FNIP2: variants seen among roughly 807,000 people sequenced by gnomAD.
The protein encoded by FNIP2 is folliculin-interacting protein 2.
In FNIP2, 32 loss-of-function variants were observed where a neutral mutation model predicts 108.7. The ratio of observed to expected loss-of-function variants is 0.29; its 90% CI spans 0.22 to 0.40. The LOEUF is 0.40. Among genes scored for constraint, FNIP2 ranks in the 10% least tolerant of loss-of-function variants. The pLI is 1.00. For synonymous variants in FNIP2, 480 were observed against 496.7 expected (o/e 0.97, Z 0.45); for missense variants, 1,202 against 1,381.6 (o/e 0.87, Z 2.06).
intron 1 of FNIP2, among the ~76,000 whole-genome samples, chr4:158,789,978 A>G (rs1211864741): frequency 6.6e-6 from 1 of 152,154 alleles, no homozygotes; most frequent in Non-Finnish European, 1.5e-5. Context: ...ACTTTTGAGC[A>G]TTGACATGAC....
In FNIP2 at chr4:158,886,364, C is replaced by T. The variant is rs977522568; in HGVS notation, c.2950-5082C>T. On this transcript the variant is annotated intron_variant, in intron 14 of 16. Transcript: ENST00000264433. ...CAATTGTCTGCAGCTCCTTACTCAC[C>T]TCCCATGTTCTTCTATCCGCAAGTC... Among the ~76,000 whole-genome samples, 3 of 152,224 alleles carry T rather than the reference C, an allele frequency of 2.0e-5. No individual in the cohort carries two copies. The East Asian group carries it at 5.8e-4, about 29-fold the overall frequency.
At chr4:158,850,294 G>A (rs1779625947) in intron 7 of FNIP2, among the ~76,000 whole-genome samples, 1 of 152,012 alleles carries the variant, frequency 6.6e-6, no homozygotes, top group Non-Finnish European at 1.5e-5. Context: ...ATTTTCCACT[G>A]GACTGAGTGA....
At chr4:158,890,579 G>A (rs1168450459) in intron 14 of FNIP2, among the ~76,000 whole-genome samples, 1 of 152,190 alleles carries the variant, frequency 6.6e-6, no homozygotes, top group Non-Finnish European at 1.5e-5. Flanking sequence ...GGTAACCATG[G>A]TCCAGTGGCA....
In FNIP2 at chr4:158,859,249, A is replaced by G; in HGVS notation, c.1050A>G (p.Ala350=). The G allele has an allele frequency of 6.2e-7, 1 of 1,605,716 alleles. No homozygotes were observed. The highest frequency in any genetic ancestry group is 8.5e-7 in the Non-Finnish European group (1 of 1,175,266). Residue 350 remains alanine (A), a synonymous_variant, in exon 9 of 17, where the codon GCA becomes GCG. Transcript: ENST00000264433. ...FESHMNRLKS[A]IEKAMISCRK... ...CTCACATGAACAGGCTGAAGAGTGC[A>G]ATTGAAAAGGTAATAAGGATGTAAT...
chr4:158,806,330 G>T lies in FNIP2; in HGVS notation c.108-19586G>T, dbSNP rs780731594. 4.2e-5 allele frequency: 54 copies of T among 1,289,284 alleles called. 1 individual carries two copies. The South Asian group carries it at 6.4e-4, about 15-fold the overall frequency. The allele number at this position is 1,289,284 out of a possible 1,614,324, so 79.9% of individuals were successfully genotyped here. ...AGATGTGTGAGTGATGCTGTTCCTGGTGCTGGGAGGATTTACAGGGCGCTT... is the reference window on the plus strand; with the variant it reads ...AGATGTGTGAGTGATGCTGTTCCTGTTGCTGGGAGGATTTACAGGGCGCTT... On this transcript the variant is annotated intron_variant, in intron 1 of 16. Transcript: ENST00000264433.
chr4:158,898,167 T>C (rs1782859074), intron 16 of FNIP2, among the ~76,000 whole-genome samples: 1 of 152,186 alleles, frequency 6.6e-6, no homozygotes, highest in Admixed American at 6.5e-5. Context: ...GTGGTATTTC[T>C]GAGGCCTCAG....
At chr4:158,808,503 T>G (rs1185297746) in intron 1 of FNIP2, 1 of 152,186 alleles carries the variant, frequency 6.6e-6, no homozygotes, top group Non-Finnish European at 1.5e-5. Flanking sequence ...TCAGACAATG[T>G]GCTGTAGTAG....
intron 1 of FNIP2, among the ~76,000 whole-genome samples, chr4:158,803,937 G>A (rs996571321): frequency 6.6e-6 from 1 of 152,056 alleles, no homozygotes; most frequent in Admixed American, 6.6e-5. Flanking sequence ...CATAGTTTTT[G>A]TTTTGTTTTG....
chr4:158,897,919 T>A (rs954373642), intron 16 of FNIP2, among the ~76,000 whole-genome samples: 3 of 152,240 alleles, frequency 2.0e-5, no homozygotes, highest in Non-Finnish European at 2.9e-5. Context: ...TGCCCATGCC[T>A]ATGCCTGAAT....
chr4:158,823,339 C>T (rs1777986478), intron 1 of FNIP2, among the ~76,000 whole-genome samples: 1 of 152,078 alleles, frequency 6.6e-6, no homozygotes, highest in South Asian at 2.1e-4. Context: ...GATCTCGGCT[C>T]ACTGCAACCT....
In FNIP2 at chr4:158,905,457, A is replaced by G. The variant is rs1454291499; in HGVS notation, c.*913A>G. The stretch of plus-strand genomic sequence containing the variant: ...CACTTTTTCCTTATAGTTAATACAA[A>G]TGACTATTTTTACTTTAAAAGGCAC... On this transcript the variant is annotated 3_prime_UTR_variant, in exon 17 of 17. Coordinates refer to ENST00000264433, the MANE Select transcript of FNIP2 (RefSeq NM_020840.3). 1 of 152,238 alleles carries G rather than the reference A, an allele frequency of 6.6e-6. No individual in the cohort carries two copies. The highest frequency in any genetic ancestry group is 1.5e-5 in the Non-Finnish European group (1 of 68,040). The allele number at this position is 152,238 out of a possible 1,614,324, so 9.4% of individuals were successfully genotyped here.
intron 6 of FNIP2, 43 bp downstream of exon 6, chr4:158,833,671 C>G: frequency 6.6e-7 from 1 of 1,523,810 alleles, no homozygotes; most frequent in Non-Finnish European, 9.1e-7. Context: ...TCTGAATACA[C>G]TATTGTGGGT....
intron 12 of FNIP2, among the ~76,000 whole-genome samples, chr4:158,863,839 T>A (rs1009458640): frequency 2.0e-5 from 3 of 152,196 alleles, no homozygotes; most frequent in African/African-American, 7.2e-5. Flanking sequence ...GACCTAATGA[T>A]CTTAAGGGTT....
At chr4:158,893,666 CCTT>C in intron 15 of FNIP2, 1 of 1,573,608 alleles carries the variant, frequency 6.4e-7, no homozygotes, top group South Asian at 1.1e-5. Flanking sequence ...GGCAGTTTCT[CCTT>C]CTAAAAGCAG....
At chr4:158,823,262 A>G in intron 1 of FNIP2, among the ~76,000 whole-genome samples, 1 of 152,078 alleles carries the variant, frequency 6.6e-6, no homozygotes, top group East Asian at 1.9e-4. Flanking sequence ...TAATGACCTC[A>G]TTTTATTTAT....
chr4:158,783,992 A>G (rs1464252177), intron 1 of FNIP2, among the ~76,000 whole-genome samples: 1 of 152,246 alleles, frequency 6.6e-6, no homozygotes, highest in African/African-American at 2.4e-5. Context: ...GTAAACAAAA[A>G]GAATAGACAA....
chr4:158,904,613 A>G lies in FNIP2; in HGVS notation c.*69A>G. The G allele has an allele frequency of 7.5e-7, 1 of 1,333,624 alleles. No individual in the cohort carries two copies. The highest frequency in any genetic ancestry group is 1.2e-5 in the South Asian group (1 of 84,548). 82.6% of individuals were successfully genotyped at this position (1,333,624 alleles called of 1,614,324 possible). ...TTCTCAACTGAAGGAGAAAGGAATA[A>G]GCTCTCTGTGATGTCAAAAGCATGA... On this transcript the variant is annotated 3_prime_UTR_variant, in exon 17 of 17. Coordinates refer to ENST00000264433, the MANE Select transcript of FNIP2 (RefSeq NM_020840.3).
chr4:158,857,742 A>G (rs1030024994), intron 8 of FNIP2, among the ~76,000 whole-genome samples: 2 of 151,528 alleles, frequency 1.3e-5, no homozygotes, highest in Non-Finnish European at 2.9e-5. Flanking sequence ...CAGGAGTTCA[A>G]GACCAGCTTG....
intron 11 of FNIP2, 35 bp downstream of exon 11, chr4:158,861,523 T>G: frequency 6.2e-7 from 1 of 1,613,720 alleles, no homozygotes; most frequent in Non-Finnish European, 8.5e-7. Flanking sequence ...TGTATGCAAA[T>G]CTCATGGCCA....
Sources: gnomAD v4.1 joint callset for allele counts (sites outside exome capture counted in the v4.1 genomes callset) on GRCh38, gnomAD v4.1.1 for gene constraint, MANE v1.5 for transcripts, NCBI Gene and HGNC (gene_info 2026-07-23, HGNC 2026-07-21) for gene names.